Variants in HOOK3 observed in about 807,000 individuals in gnomAD.
The protein encoded by HOOK3 is protein Hook homolog 3.
A neutral mutation model predicts 116.3 loss-of-function variants in HOOK3; 24 were observed. The observed-to-expected ratio is 0.21, with a 90% CI of 0.15 to 0.29. The LOEUF is 0.29. Among genes scored for constraint, HOOK3 ranks in the 10% least tolerant of loss-of-function variants. The pLI, the probability that HOOK3 is intolerant of heterozygous loss-of-function variation, is 1.00. For missense variants in HOOK3, 632 were observed against 830.2 expected (o/e 0.76, Z 2.93); for synonymous variants, 275 against 283.0 (o/e 0.97, Z 0.28).
At chr8:42,948,206 A>G (rs1000583652) in intron 5 of HOOK3, among the ~76,000 whole-genome samples, 2 of 152,176 alleles carry the variant, frequency 1.3e-5, no homozygotes, top group Non-Finnish European at 2.9e-5. Context: ...ACAAAAACTC[A>G]TGTTTCTTCC....
In HOOK3 at chr8:42,980,091, T is replaced by C. The variant is rs1387382740; in HGVS notation, c.1322-2536T>C. 2.0e-5 allele frequency among the ~76,000 whole-genome samples: 3 copies of C among 151,472 alleles called. No individual in the cohort carries two copies. In the East Asian group the frequency reaches 5.8e-4, roughly 29 times the overall value. On this transcript the variant is annotated intron_variant, in intron 13 of 21. Coordinates refer to ENST00000307602, the MANE Select transcript of HOOK3 (RefSeq NM_032410.4). ...TGATCTCCTGCCTCAGCCTCCAGAGTAGCTGGAATTACAGGCGCCTGCCAC... is the reference window on the plus strand; with the variant it reads ...TGATCTCCTGCCTCAGCCTCCAGAGCAGCTGGAATTACAGGCGCCTGCCAC...
At chr8:42,924,711 G>T (rs1158051877) in intron 2 of HOOK3, among the ~76,000 whole-genome samples, 1 of 152,024 alleles carries the variant, frequency 6.6e-6, no homozygotes. Flanking sequence ...GATGGCTCAC[G>T]CCTGTAATCC....
At chr8:43,011,915 G>A (rs1161895899) in intron 19 of HOOK3, among the ~76,000 whole-genome samples, 1 of 151,990 alleles carries the variant, frequency 6.6e-6, no homozygotes, top group East Asian at 1.9e-4. Context: ...ATATTGGGTG[G>A]AGAAGTAAAA....
Position 42,928,764 on chromosome 8 carries a change from G to A in HOOK3, c.217-1358G>A, listed in dbSNP as rs566131182. On this transcript the variant is annotated intron_variant, in intron 3 of 21. Coordinates refer to ENST00000307602, the MANE Select transcript of HOOK3 (RefSeq NM_032410.4). ...TTGATTAAAGACAAGATATACGACC[G>A]GGCACAGTGGCTCATGCCTGTAATC... is the stretch of plus-strand genomic sequence containing the variant. Among the ~76,000 whole-genome samples the A allele has an allele frequency of 9.2e-5, 14 of 152,178 alleles. No individual in the cohort carries two copies. In the East Asian group the frequency reaches 2.7e-3, roughly 29 times the overall value.
At chr8:42,990,343 TTTTTTTTTTTTTTTTTTTTG>T (rs1227482038) in intron 15 of HOOK3, among the ~76,000 whole-genome samples, 1 of 114,682 alleles carries the variant, frequency 8.7e-6, no homozygotes, top group Non-Finnish European at 1.8e-5. Context: ...TTTTTTTTTT[TTTTTTTTTTTTTTTTTTTTG>T]AGGATCTCAC....
At chr8:42,951,834 G>A (rs1808350025) in intron 6 of HOOK3, among the ~76,000 whole-genome samples, 1 of 152,002 alleles carries the variant, frequency 6.6e-6, no homozygotes, top group Non-Finnish European at 1.5e-5. Flanking sequence ...CCAGCTTCTC[G>A]GGAGGCTGAG....
At chr8:42,944,966 C>A (rs1040922376) in intron 5 of HOOK3, among the ~76,000 whole-genome samples, 5 of 152,116 alleles carry the variant, frequency 3.3e-5, no homozygotes, top group Non-Finnish European at 7.3e-5. Flanking sequence ...GCTCCCAGAG[C>A]TGAAATGACC....
intron 8 of HOOK3, among the ~76,000 whole-genome samples, chr8:42,962,799 T>TTC (rs1563302186): frequency 1.3e-3 from 114 of 88,362 alleles, no homozygotes; most frequent in African/African-American, 9.2e-3. Context: ...TCTTCTTCTT[T>TTC]TTTTTTTTTT....
At chr8:42,907,723 T>C (rs1311897609) in intron 2 of HOOK3, among the ~76,000 whole-genome samples, 1 of 148,036 alleles carries the variant, frequency 6.8e-6, no homozygotes, top group South Asian at 2.1e-4. Context: ...AAAGTATATA[T>C]ATATATTGTT....
At chr8:42,964,182 G>A in intron 8 of HOOK3, 129 bp from the exon 9 acceptor site, 3 of 862,558 alleles carry the variant, frequency 3.5e-6, no homozygotes, top group Non-Finnish European at 5.3e-6. Context: ...ACTCCAGCCT[G>A]GGCGACAGTG....
At chr8:42,903,887 C>G (rs546826627) in intron 1 of HOOK3, among the ~76,000 whole-genome samples, 93 of 151,644 alleles carry the variant, frequency 6.1e-4, no homozygotes, top group African/African-American at 2.1e-3. Context: ...ACCCGGGAGG[C>G]GGAGCTTGCA....
Position 42,993,134 on chromosome 8 carries a change from C to T in HOOK3, c.1533-4416C>T, listed in dbSNP as rs1809198960. ...CATTAGTTGGTATGAGGATGTTGAA[C>T]CATCCTTGCATACCTGGGATCAATC... On this transcript the variant is annotated intron_variant, in intron 15 of 21. Transcript: ENST00000307602. 2.0e-5 allele frequency among the ~76,000 whole-genome samples: 3 copies of T among 152,300 alleles called. No individual in the cohort carries two copies. The South Asian group carries it at 6.2e-4, about 32-fold the overall frequency.
intron 19 of HOOK3, among the ~76,000 whole-genome samples, chr8:43,012,205 G>T (rs1809626344): frequency 6.6e-6 from 1 of 152,196 alleles, no homozygotes. Context: ...AGGTGATTTT[G>T]TCATTGTGCA....
At position 42,915,649 on chromosome 8, in the gene HOOK3, C is replaced by G. The variant is rs146716840; in HGVS notation, c.143+9391C>G. Among the ~76,000 whole-genome samples, 1,204 of 152,218 alleles carry G rather than the reference C, an allele frequency of 7.9e-3. 17 individuals are homozygous for G. Among genetic ancestry groups the G allele is most frequent in the African/African-American group, 0.027 (1,117 of 41,522 alleles). ...GTTTCACTATGTTGGCCAGACTGCT[C>G]TCGAACTGCTGACCTCAGGAGGTCC... On this transcript the variant is annotated intron_variant, in intron 2 of 21. Transcript: ENST00000307602.
intron 1 of HOOK3, among the ~76,000 whole-genome samples, chr8:42,905,664 A>G (rs1232003335): frequency 6.6e-6 from 1 of 151,986 alleles, no homozygotes; most frequent in East Asian, 1.9e-4. Context: ...CTCTTTTACC[A>G]GTGGGGAAGA....
chr8:42,973,541 C>A, intron 12 of HOOK3, 142 bp downstream of exon 12: 1 of 564,908 alleles, frequency 1.8e-6, no homozygotes, highest in East Asian at 3.0e-5. Context: ...TAGGAGAATT[C>A]CATTTGTGTT....
At chr8:42,940,207 A>T (rs1220748587) in intron 4 of HOOK3, among the ~76,000 whole-genome samples, 1 of 152,250 alleles carries the variant, frequency 6.6e-6, no homozygotes, top group Non-Finnish European at 1.5e-5. Flanking sequence ...GCACTGAGTG[A>T]ACGAGACTCC....
At chr8:42,984,368 C>CA (rs773025748) in intron 14 of HOOK3, among the ~76,000 whole-genome samples, 7,951 of 121,664 alleles carry the variant, frequency 0.065, 334 homozygotes, top group African/African-American at 0.13. Context: ...AACTCCATCT[C>CA]AAAAAAAAAA....
intron 8 of HOOK3, among the ~76,000 whole-genome samples, chr8:42,963,914 A>G (rs893231684): frequency 6.6e-6 from 1 of 152,246 alleles, no homozygotes; most frequent in African/African-American, 2.4e-5. Flanking sequence ...TTCTTTAAAA[A>G]TAGGCTTTAA....
Sources: allele counts gnomAD v4.1 joint callset (sites outside exome capture counted in the v4.1 genomes callset), GRCh38; gene constraint gnomAD v4.1.1; transcripts MANE v1.5; gene names NCBI Gene and HGNC (gene_info 2026-07-23, HGNC 2026-07-21).